Variants in NOSTRIN observed in about 807,000 individuals in gnomAD.
NOSTRIN encodes the protein nitric oxide synthase trafficking, also known as BM247 homolog.
A neutral mutation model predicts 59.0 loss-of-function variants in NOSTRIN; 63 were observed. That is an observed-to-expected ratio of 1.07 (90% CI 0.87 to 1.32). NOSTRIN has a LOEUF of 1.32. NOSTRIN is among the 40% of genes most tolerant of loss of function. The pLI, the probability that NOSTRIN is intolerant of heterozygous loss-of-function variation, is 0.00. For synonymous variants in NOSTRIN, 200 were observed against 165.4 expected (o/e 1.21, Z -1.61); for missense variants, 512 against 473.1 (o/e 1.08, Z -0.76).
At chr2:168,842,491 A>G (rs1435080348) in intron 7 of NOSTRIN, among the ~76,000 whole-genome samples, 2 of 152,190 alleles carry the variant, frequency 1.3e-5, no homozygotes, top group Non-Finnish European at 2.9e-5. Flanking sequence ...CTGGGTTTAT[A>G]TAGTAAAAGT....
intron 7 of NOSTRIN, 80 bp downstream of exon 7, chr2:168,834,405 C>T (rs922152943): frequency 1.5e-5 from 11 of 739,462 alleles, no homozygotes; most frequent in Middle Eastern, 2.4e-4. Flanking sequence ...CACAAGAGAA[C>T]GGGTTGATTC....
chr2:168,838,072 A>G (rs917903536), intron 7 of NOSTRIN, among the ~76,000 whole-genome samples: 4 of 152,222 alleles, frequency 2.6e-5, no homozygotes, highest in African/African-American at 9.6e-5. Context: ...CTCAATAAGT[A>G]TATTCTCAAG....
chr2:168,826,848 C>T (rs552424642), intron 3 of NOSTRIN, among the ~76,000 whole-genome samples: 32 of 152,354 alleles, frequency 2.1e-4, no homozygotes, highest in South Asian at 1.0e-3. Flanking sequence ...ACATTTTCAT[C>T]ATGCCAAAAG....
upstream of NOSTRIN, among the ~76,000 whole-genome samples, chr2:168,795,925 C>T (rs575514088): frequency 4.6e-5 from 7 of 152,248 alleles, no homozygotes; most frequent in African/African-American, 1.2e-4. Context: ...TTCTTCCATC[C>T]TGAGGCTGTG....
At chr2:168,833,440 G>T (rs1441816899) in intron 6 of NOSTRIN, among the ~76,000 whole-genome samples, 1 of 152,214 alleles carries the variant, frequency 6.6e-6, no homozygotes, top group African/African-American at 2.4e-5. Flanking sequence ...TTACTATCTG[G>T]TTTGACAGTC....
At chr2:168,863,381 A>AAAGT (rs1230376663) in intron 15 of NOSTRIN, 1 of 983,200 alleles carries the variant, frequency 1.0e-6, no homozygotes, top group Non-Finnish European at 1.2e-6. Context: ...TCTTAGAAAG[A>AAAGT]AAGTTGCTGA....
chr2:168,863,466 G>A lies in NOSTRIN; in HGVS notation c.1385-1368G>A, dbSNP rs955695497. 1.9e-5 allele frequency: 19 copies of A among 984,986 alleles called. No homozygotes were observed. The African/African-American group carries it at 2.3e-4, about 12-fold the overall frequency. 61.0% of individuals were successfully genotyped at this position (984,986 alleles called of 1,614,324 possible). The stretch of plus-strand genomic sequence containing the variant: ...TAAAAAGTAGCTCTTGGATCCTGAC[G>A]GGGGCAGATGATCCTGAAGGGGGCA... On this transcript the variant is annotated intron_variant, in intron 15 of 15. Transcript: ENST00000317647.
intron 1 of NOSTRIN, among the ~76,000 whole-genome samples, chr2:168,809,357 C>T (rs1686021867): frequency 6.6e-6 from 1 of 152,196 alleles, no homozygotes; most frequent in South Asian, 2.1e-4. Context: ...AACCTTCCCT[C>T]ACATCTCCTT....
chr2:168,844,875 GAAA>G (rs79074527), intron 8 of NOSTRIN, among the ~76,000 whole-genome samples: 1 of 142,598 alleles, frequency 7.0e-6, no homozygotes, highest in Non-Finnish European at 1.5e-5. Flanking sequence ...GTCTCAAAAA[GAAA>G]AAAAAAAAAA....
chr2:168,811,823 A>G (rs1189090633), intron 2 of NOSTRIN, 171 bp downstream of exon 2: 2 of 457,130 alleles, frequency 4.4e-6, no homozygotes, highest in Non-Finnish European at 7.7e-6. Context: ...TATCAACTGG[A>G]TGCCATAAAA....
At chr2:168,804,643 A>G (rs1327089399) in intron 1 of NOSTRIN, among the ~76,000 whole-genome samples, 3 of 152,184 alleles carry the variant, frequency 2.0e-5, no homozygotes, top group African/African-American at 7.2e-5. Flanking sequence ...GTCCCCTTCC[A>G]TGAGTCCCTA....
In NOSTRIN at chr2:168,852,504, T is replaced by C. The variant is rs116370961; in HGVS notation, c.855+1100T>C. 9.3e-3 allele frequency among the ~76,000 whole-genome samples: 1,417 copies of C among 152,302 alleles called. 26 individuals carry two copies. The highest frequency in any genetic ancestry group is 0.031 in the African/African-American group (1,271 of 41,556). On this transcript the variant is annotated intron_variant, in intron 10 of 15. Coordinates refer to ENST00000317647, the MANE Select transcript of NOSTRIN (RefSeq NM_001039724.4). ...GAACTGATTATTAATTACCAAAACCTGCAGAAAGAATTCTGATAGCGTTTC... is the reference window on the plus strand; with the variant it reads ...GAACTGATTATTAATTACCAAAACCCGCAGAAAGAATTCTGATAGCGTTTC...
chr2:168,851,748 C>A (rs1033103382), intron 10 of NOSTRIN, among the ~76,000 whole-genome samples: 3 of 152,144 alleles, frequency 2.0e-5, no homozygotes, highest in African/African-American at 7.2e-5. Context: ...AATTGCTGTG[C>A]AACAAATTAC....
chr2:168,836,693 G>T (rs1176844600), intron 7 of NOSTRIN, among the ~76,000 whole-genome samples: 1 of 152,156 alleles, frequency 6.6e-6, no homozygotes, highest in African/African-American at 2.4e-5. Flanking sequence ...ACCTCACAGA[G>T]TAAATAGAAG....
chr2:168,797,072 C>CTTTTTT (rs1168296049), upstream of NOSTRIN, among the ~76,000 whole-genome samples: 2 of 85,352 alleles, frequency 2.3e-5, no homozygotes, highest in African/African-American at 4.0e-5. Flanking sequence ...CTTTCTTTTT[C>CTTTTTT]TTTTTTCTTT....
intron 2 of NOSTRIN, among the ~76,000 whole-genome samples, chr2:168,821,995 T>G (rs998640759): frequency 7.2e-5 from 11 of 152,192 alleles, no homozygotes; most frequent in Admixed American, 7.2e-4. Flanking sequence ...AACTTCTTTT[T>G]AACAGTACCT....
chr2:168,861,221 C>T (rs189263940), intron 14 of NOSTRIN, among the ~76,000 whole-genome samples: 27 of 152,236 alleles, frequency 1.8e-4, no homozygotes, highest in East Asian at 5.8e-4. Context: ...GGAGCTTTGT[C>T]GCTCTGTCTC....
At chr2:168,822,609 CATAAT>C (rs1231003942) in intron 2 of NOSTRIN, among the ~76,000 whole-genome samples, 2 of 152,252 alleles carry the variant, frequency 1.3e-5, no homozygotes, top group East Asian at 1.9e-4. Flanking sequence ...AAAAGGAAAA[CATAAT>C]ATAAATTGAA....
At chr2:168,809,178 G>A (rs908785645) in intron 1 of NOSTRIN, among the ~76,000 whole-genome samples, 5 of 152,122 alleles carry the variant, frequency 3.3e-5, no homozygotes, top group African/African-American at 9.7e-5. Flanking sequence ...TTGAGGGCTC[G>A]TGTGGTGTTC....
Sources: allele counts gnomAD v4.1 joint callset (sites outside exome capture counted in the v4.1 genomes callset), GRCh38; gene constraint gnomAD v4.1.1; transcripts MANE v1.5; gene names NCBI Gene and HGNC (gene_info 2026-07-23, HGNC 2026-07-21).